CNTNAP5: variants seen among roughly 807,000 people sequenced by gnomAD.
The protein encoded by CNTNAP5 is contactin associated protein family member 5.
Under a neutral mutation model 150.2 loss-of-function variants are expected in CNTNAP5, and 72 were observed. The observed-to-expected ratio is 0.48, with a 90% confidence interval of 0.40 to 0.58. CNTNAP5 has a LOEUF of 0.58. CNTNAP5 is among the 20% of genes least tolerant of loss of function. CNTNAP5 has a pLI of 0.00. For missense variants in CNTNAP5, 1,636 were observed against 1,626.2 expected (o/e 1.01, Z -0.10); for synonymous variants, 672 against 619.8 (o/e 1.08, Z -1.25).
At position 124,025,463 on chromosome 2, in the gene CNTNAP5, T is replaced by A; in HGVS notation, c.-188T>A. 1 of 608,432 alleles carries A rather than the reference T, an allele frequency of 1.6e-6. No homozygotes were observed. Among genetic ancestry groups the A allele is most frequent in the South Asian group, 1.9e-5 (1 of 52,870 alleles). 37.7% of individuals were successfully genotyped at this position (608,432 alleles called of 1,614,324 possible). ...CGGGGACCGTAGCCCCAGCTGCAGC[T>A]CCGAAGAATCCCCCGCCACGGTTTC... On this transcript the variant is annotated 5_prime_UTR_variant, in exon 1 of 24. Transcript: ENST00000682447.
At chr2:124,205,678 A>G (rs945755101) in intron 1 of CNTNAP5, among the ~76,000 whole-genome samples, 1 of 152,192 alleles carries the variant, frequency 6.6e-6, no homozygotes, top group Non-Finnish European at 1.5e-5. Context: ...CTGGGATTAT[A>G]GGCGTAAGCC....
intron 11 of CNTNAP5, among the ~76,000 whole-genome samples, chr2:124,572,193 T>A (rs925026685): frequency 6.6e-6 from 1 of 152,006 alleles, no homozygotes; most frequent in Non-Finnish European, 1.5e-5. Context: ...TGCAATTGAG[T>A]GCACAGGACT....
At chr2:124,740,574 A>G (rs1313759038) in intron 13 of CNTNAP5, among the ~76,000 whole-genome samples, 1 of 152,174 alleles carries the variant, frequency 6.6e-6, no homozygotes, top group Admixed American at 6.5e-5. Context: ...AGCGGTTTCT[A>G]ACCATATTGC....
At chr2:124,694,935 A>C (rs1679374302) in intron 13 of CNTNAP5, among the ~76,000 whole-genome samples, 1 of 152,126 alleles carries the variant, frequency 6.6e-6, no homozygotes, top group East Asian at 1.9e-4. Flanking sequence ...CAATGATGGA[A>C]GCTGCTTCTT....
intron 13 of CNTNAP5, among the ~76,000 whole-genome samples, chr2:124,713,251 T>TTCTTTCTG (rs1679853540): frequency 9.0e-6 from 1 of 111,176 alleles, no homozygotes; most frequent in Non-Finnish European, 2.0e-5. Context: ...TTCTCTTTCT[T>TTCTTTCTG]TCTTTCTTTC....
At chr2:124,717,288 C>T (rs1261559714) in intron 13 of CNTNAP5, among the ~76,000 whole-genome samples, 3 of 152,152 alleles carry the variant, frequency 2.0e-5, no homozygotes, top group African/African-American at 4.8e-5. Flanking sequence ...ATCCTTTCCA[C>T]CCTATGAACG....
chr2:124,859,458 G>C (rs532140474), intron 19 of CNTNAP5, among the ~76,000 whole-genome samples: 151 of 152,344 alleles, frequency 9.9e-4, no homozygotes, highest in Admixed American at 1.6e-3. Flanking sequence ...TACACTGTTG[G>C]TGGGACTATA....
At chr2:124,505,610 T>G (rs977965235) in intron 8 of CNTNAP5, among the ~76,000 whole-genome samples, 1 of 152,160 alleles carries the variant, frequency 6.6e-6, no homozygotes, top group African/African-American at 2.4e-5. Flanking sequence ...TGCCTAGCAA[T>G]ACACAGCAGG....
chr2:124,707,379 G>A (rs2105099462), intron 13 of CNTNAP5, among the ~76,000 whole-genome samples: 1 of 152,134 alleles, frequency 6.6e-6, no homozygotes, highest in African/African-American at 2.4e-5. Context: ...TTGTTTATTT[G>A]TGCAACTGGC....
intron 11 of CNTNAP5, among the ~76,000 whole-genome samples, chr2:124,609,416 C>T (rs1476695473): frequency 2.0e-5 from 3 of 152,006 alleles, no homozygotes; most frequent in Non-Finnish European, 2.9e-5. Flanking sequence ...GAGTGAGACC[C>T]CATCTCTATA....
At chr2:124,859,415 G>T (rs1677460379) in intron 19 of CNTNAP5, among the ~76,000 whole-genome samples, 1 of 152,216 alleles carries the variant, frequency 6.6e-6, no homozygotes, top group Non-Finnish European at 1.5e-5. Context: ...AACAACAGGT[G>T]CTGGAGAGGA....
chr2:124,593,080 G>C (rs905443822), intron 11 of CNTNAP5, among the ~76,000 whole-genome samples: 1 of 149,696 alleles, frequency 6.7e-6, no homozygotes, highest in Non-Finnish European at 1.5e-5. Context: ...TTTTTCTCTA[G>C]TACATGTATG....
intron 1 of CNTNAP5, among the ~76,000 whole-genome samples, chr2:124,128,761 G>A (rs1162723482): frequency 6.6e-6 from 1 of 152,166 alleles, no homozygotes; most frequent in African/African-American, 2.4e-5. Context: ...GTCCTTTGTA[G>A]GGACATGGAT....
chr2:124,164,177 T>C (rs555841598), intron 1 of CNTNAP5, among the ~76,000 whole-genome samples: 3 of 152,202 alleles, frequency 2.0e-5, no homozygotes, highest in Admixed American at 2.0e-4. Flanking sequence ...TAGACACTGT[T>C]CTAAGCAACG....
chr2:124,156,223 C>G (rs1015505046), intron 1 of CNTNAP5, among the ~76,000 whole-genome samples: 1 of 152,164 alleles, frequency 6.6e-6, no homozygotes, highest in Non-Finnish European at 1.5e-5. Context: ...CAGTGTGGAG[C>G]AGCAGGAGGG....
chr2:124,087,402 G>A (rs1306837120), intron 1 of CNTNAP5, among the ~76,000 whole-genome samples: 2 of 151,682 alleles, frequency 1.3e-5, no homozygotes, highest in Non-Finnish European at 2.9e-5. Flanking sequence ...CTTCATCTGA[G>A]GTTTTTAAAA....
chr2:124,497,772 C>A (rs991485300), intron 7 of CNTNAP5, among the ~76,000 whole-genome samples: 6 of 152,182 alleles, frequency 3.9e-5, no homozygotes, highest in African/African-American at 1.4e-4. Context: ...CCTGAGCTCC[C>A]TGTTCAATAC....
chr2:124,508,724 A>G (rs1694473805), intron 8 of CNTNAP5, among the ~76,000 whole-genome samples: 1 of 152,232 alleles, frequency 6.6e-6, no homozygotes. Context: ...ACTCTTGTAT[A>G]ATTCTCTCCT....
At chr2:124,072,847 A>G (rs993633494) in intron 1 of CNTNAP5, among the ~76,000 whole-genome samples, 15 of 152,066 alleles carry the variant, frequency 9.9e-5, no homozygotes, top group Middle Eastern at 3.2e-3. Flanking sequence ...TCACAGAAAT[A>G]GAAAAAAGAA....
Sources: allele counts gnomAD v4.1 joint callset (sites outside exome capture counted in the v4.1 genomes callset), GRCh38; gene constraint gnomAD v4.1.1; transcripts MANE v1.5; gene names NCBI Gene and HGNC (gene_info 2026-07-23, HGNC 2026-07-21).